The following HAPLN2 variants were observed in gnomAD, a reference collection of about 807,000 sequenced individuals.
HAPLN2 encodes hyaluronan and proteoglycan link protein 2, also known as brain link protein-1.
Under a neutral mutation model 29.3 loss-of-function variants are expected in HAPLN2, and 27 were observed. The observed-to-expected ratio is 0.92, with a 90% CI of 0.68 to 1.27. The LOEUF (loss-of-function observed/expected upper bound fraction) is 1.27. Ranked by LOEUF, HAPLN2 falls within the 50% of genes most tolerant of loss-of-function variation. The pLI is 0.00. For synonymous variants in HAPLN2, 208 were observed against 211.7 expected (o/e 0.98, Z 0.15); for missense variants, 454 against 484.3 (o/e 0.94, Z 0.59).
At chr1:156,623,366 C>T (rs983455007) in intron 2 of HAPLN2, 101 bp from the exon 3 acceptor site, 5 of 981,018 alleles carry the variant, frequency 5.1e-6, no homozygotes, top group Non-Finnish European at 7.5e-6. Flanking sequence ...TCCAGCTGGA[C>T]AGTCCCTTCT....
At position 156,624,781 on chromosome 1, in the gene HAPLN2, C is replaced by T. The variant is rs893170398; in HGVS notation, c.737C>T (p.Ala246Val). The T allele has an allele frequency of 1.3e-6, 2 of 1,496,460 alleles. No homozygotes were observed. The highest frequency in any genetic ancestry group is 1.4e-5 in the African/African-American group (1 of 71,882). 92.7% of individuals were successfully genotyped at this position (1,496,460 alleles called of 1,614,324 possible). The change falls in exon 6 of 7, where the codon GCG (alanine) becomes GTG (valine). Residue 246 changes from alanine (A) to valine (V), a missense_variant and splice_region_variant. Coordinates refer to ENST00000255039, the MANE Select transcript of HAPLN2 (RefSeq NM_021817.3). The part of the protein sequence containing the change: ...YDAFCFTSAL[A>V]GQVFFVPGRL... Reference sequence around the variant, plus strand: ...GCCTTCTGCTTCACCTCCGCGCTGGCGGGTGAGGCGCGGGACGAAGGCAGG... The same window carrying T: ...GCCTTCTGCTTCACCTCCGCGCTGGTGGGTGAGGCGCGGGACGAAGGCAGG...
rs1678357353 is a variant in HAPLN2 at position 156,624,135 on chromosome 1, C to T, written c.414C>T (p.Ser138=). Reference sequence around the variant, plus strand: ...TCATCAACGGCATCGAGGACGAGAGCGTGGCGCTGACCTTGAGCTTGGAGG... The same window carrying T: ...TCATCAACGGCATCGAGGACGAGAGTGTGGCGCTGACCTTGAGCTTGGAGG... ...CELINGIEDE[S]VALTLSLEGV... is the part of the protein sequence containing the mutation. The change falls in exon 4 of 7, where the codon AGC becomes AGT. Residue 138 remains serine (S), a synonymous_variant. Transcript: ENST00000255039. 1.2e-6 allele frequency: 2 copies of T among 1,613,444 alleles called. No individual in the cohort carries two copies. Among genetic ancestry groups the T allele is most frequent in the Non-Finnish European group, 1.7e-6 (2 of 1,179,846 alleles).
At chr1:156,608,055 C>G in the HAPLN2 span, among the ~76,000 whole-genome samples, 2 of 152,118 alleles carry the variant, frequency 1.3e-5, no homozygotes, top group South Asian at 4.1e-4. Context: ...ATATTATGAT[C>G]CCTTGCCAAC....
rs537533829 is a variant in HAPLN2, at chr1:156,623,469, G to A, written c.-22G>A. ...TGCCCACTCTTTGTGCCCTGCAGAC[G>A]GTGCCGGGCTGACCCCCCATCATGC... On this transcript the variant is annotated splice_region_variant and 5_prime_UTR_variant, in exon 3 of 7. Coordinates refer to ENST00000255039, the MANE Select transcript of HAPLN2 (RefSeq NM_021817.3). The A allele has an allele frequency of 4.9e-5, 79 of 1,613,138 alleles. No homozygotes were observed. In the South Asian group the frequency reaches 5.8e-4, roughly 12 times the overall value.
intron 4 of HAPLN2, 92 bp downstream of exon 4, chr1:156,624,252 AC>A: frequency 6.7e-7 from 1 of 1,494,428 alleles, no homozygotes; most frequent in Non-Finnish European, 9.0e-7. Context: ...TCTCCTCCGC[AC>A]CCCTGGGGAC....
At chr1:156,614,258 C>T in the HAPLN2 span, among the ~76,000 whole-genome samples, 1 of 150,352 alleles carries the variant, frequency 6.7e-6, no homozygotes, top group Non-Finnish European at 1.5e-5. Context: ...CAGAGTCTCA[C>T]TCTGTCACCA....
rs1304808454 is a variant in HAPLN2, at chr1:156,624,438, G to T, written c.527G>T (p.Arg176Leu). 1 of 1,612,322 alleles carries T rather than the reference G, an allele frequency of 6.2e-7. No individual in the cohort carries two copies. Among genetic ancestry groups the T allele is most frequent in the Non-Finnish European group, 8.5e-7 (1 of 1,179,406 alleles). ...CAGGCGTGCGAGGAGCAGGACGGAC[G>T]CCTGGCCACCTACTCCCAGCTCTAC... ...AKQACEEQDG[R>L]LATYSQLYQA... Residue 176 changes from arginine to leucine, a missense_variant, in exon 5 of 7, where the codon CGC becomes CTC. Around this residue, in one of 3 missense-constraint regions of HAPLN2, gnomAD observed 15 missense variants for 38.3 expected, o/e 0.39. Transcript: ENST00000255039.
chr1:156,624,200 C>A, intron 4 of HAPLN2, 40 bp downstream of exon 4: 1 of 1,573,676 alleles, frequency 6.4e-7, no homozygotes, highest in Non-Finnish European at 8.6e-7. Context: ...TGTGTAGCAG[C>A]GGGTCCGCCT....
At position 156,624,101 on chromosome 1, in the gene HAPLN2, G is replaced by A. The variant is rs1246824628; in HGVS notation, c.380G>A (p.Arg127His). Residue 127 changes from arginine to histidine, a missense_variant, in exon 4 of 7, where the codon CGC (arginine) becomes CAC (histidine). This residue lies in a region of HAPLN2 where 204 missense variants were observed against 209.2 expected (regional missense o/e 0.98). Transcript: ENST00000255039. ...GVRLEDEGRYRCELINGIEDE... is the reference protein window; with the variant it reads ...GVRLEDEGRYHCELINGIEDE... Reference sequence around the variant, plus strand: ...CGCCTGGAGGACGAGGGCCGGTACCGCTGCGAGCTCATCAACGGCATCGAG... The same window carrying A: ...CGCCTGGAGGACGAGGGCCGGTACCACTGCGAGCTCATCAACGGCATCGAG... 14 of 1,613,472 alleles carry A rather than the reference G, an allele frequency of 8.7e-6. No individual in the cohort carries two copies. The highest frequency in any genetic ancestry group is 7.7e-5 in the South Asian group (7 of 91,066).
upstream of HAPLN2, among the ~76,000 whole-genome samples, chr1:156,616,739 C>A (rs993205272): frequency 6.6e-6 from 1 of 151,966 alleles, no homozygotes; most frequent in Non-Finnish European, 1.5e-5. Flanking sequence ...AGGAGGGAAG[C>A]GCTTAAGAAC....
chr1:156,617,842 A>G (rs1197443512), upstream of HAPLN2, among the ~76,000 whole-genome samples: 1 of 152,062 alleles, frequency 6.6e-6, no homozygotes, highest in Non-Finnish European at 1.5e-5. Flanking sequence ...AACAAAAACA[A>G]TTGGGCCTAT....
rs1135646 is a variant in HAPLN2 at position 156,625,655 on chromosome 1, G to A, written c.*271G>A. On this transcript the variant is annotated 3_prime_UTR_variant, in exon 7 of 7. Coordinates refer to ENST00000255039, the MANE Select transcript of HAPLN2 (RefSeq NM_021817.3). This position sits in a 1 kb window ranked among gnomAD's most constrained non-coding sequence, Gnocchi z 5.7. ...CTAGCAGAGGACTCAGCCACCGCCG[G>A]GGGGAGGGTGAGGCGGCCGGGGGCA... 0.89 allele frequency: 371,070 copies of A among 416,306 alleles called. 172,180 individuals carry two copies. The highest frequency in any genetic ancestry group is 0.97 in the Non-Finnish European group (227,626 of 235,734). The allele number at this position is 416,306 out of a possible 1,614,324, so 25.8% of individuals were successfully genotyped here.
intron 2 of HAPLN2, among the ~76,000 whole-genome samples, chr1:156,620,475 G>A (rs760919486): frequency 5.3e-5 from 8 of 152,104 alleles, no homozygotes; most frequent in Non-Finnish European, 8.8e-5. Flanking sequence ...AATTTTAAAC[G>A]TGTTCATTTG....
At chr1:156,610,133 G>A in the HAPLN2 span, among the ~76,000 whole-genome samples, 12,376 of 152,194 alleles carry the variant, frequency 0.081, 697 homozygotes, top group Non-Finnish European at 0.13. Flanking sequence ...GAAATCGCTT[G>A]AACCCAGGAG....
At chr1:156,605,871 CG>C in the HAPLN2 span, among the ~76,000 whole-genome samples, 4 of 151,922 alleles carry the variant, frequency 2.6e-5, no homozygotes, top group African/African-American at 9.7e-5. Context: ...TGGTGTTGGC[CG>C]GGCATGGTGG....
At chr1:156,612,543 T>C in the HAPLN2 span, among the ~76,000 whole-genome samples, 1 of 152,168 alleles carries the variant, frequency 6.6e-6, no homozygotes, top group African/African-American at 2.4e-5. Context: ...CACATGCCAC[T>C]GCTCCTGGCT....
At chr1:156,624,883 C>A in intron 6 of HAPLN2, 100 bp downstream of exon 6, 1 of 1,349,258 alleles carries the variant, frequency 7.4e-7, no homozygotes, top group Non-Finnish European at 9.8e-7. Flanking sequence ...GTCTCCGGGT[C>A]CCTCCAAGGC....
Position 156,624,453 on chromosome 1 carries a change from C to G in HAPLN2, c.542C>G (p.Ser181Cys). The change falls in exon 5 of 7, where the codon TCC becomes TGC. Residue 181 changes from serine (S) to cysteine (C), a missense_variant. This residue lies in a region of HAPLN2 where 235 missense variants were observed against 236.9 expected (regional missense o/e 0.99). Coordinates refer to ENST00000255039, the MANE Select transcript of HAPLN2 (RefSeq NM_021817.3). Reference protein sequence around the residue: ...EEQDGRLATYSQLYQAWTEGL... With the variant: ...EEQDGRLATYCQLYQAWTEGL... ...CAGGACGGACGCCTGGCCACCTACT[C>G]CCAGCTCTACCAGGGTGAGCGGCCG... 6.2e-7 allele frequency: 1 copy of G among 1,612,698 alleles called. No individual in the cohort carries two copies. The highest frequency in any genetic ancestry group is 8.5e-7 in the Non-Finnish European group (1 of 1,179,488).
At chr1:156,609,164 C>G in the HAPLN2 span, among the ~76,000 whole-genome samples, 11 of 152,328 alleles carry the variant, frequency 7.2e-5, no homozygotes, top group African/African-American at 2.6e-4. Context: ...GCATCCTCCA[C>G]CACGGACACC....
Sources: gnomAD v4.1 joint callset for allele counts (sites outside exome capture counted in the v4.1 genomes callset) on GRCh38, gnomAD v4.1.1 for gene constraint, gnomAD v4.1.1 regional missense constraint, Gnocchi (gnomAD v3.1) non-coding constraint, MANE v1.5 for transcripts, NCBI Gene and HGNC (gene_info 2026-07-23, HGNC 2026-07-21) for gene names.